ZFHX3: variants seen among roughly 807,000 people sequenced by gnomAD.
ZFHX3 encodes zinc finger homeobox 3.
Under a neutral mutation model 279.1 loss-of-function variants are expected in ZFHX3, and 42 were observed. That is an observed-to-expected ratio of 0.15 (90% CI 0.12 to 0.19). The LOEUF (loss-of-function observed/expected upper bound fraction) is 0.19, where lower values mean the gene tolerates loss of function less well. Ranked by LOEUF, ZFHX3 falls within the 10% of genes least tolerant of loss-of-function variation. The probability of loss-of-function intolerance (pLI) is 1.00; values close to 1 mark genes in which losing one functional copy is unlikely to be tolerated. For missense variants in ZFHX3, 4,981 were observed against 4,754.0 expected, an observed-to-expected ratio of 1.05 and a Z score of -1.40; for synonymous variants, 2,293 against 1,957.8, an observed-to-expected ratio of 1.17 and a Z score of -4.52.
chr16:73,442,148 G>C (rs947538075), intron 3 of ZFHX3, among the ~76,000 whole-genome samples: 2 of 152,126 alleles, frequency 1.3e-5, no homozygotes, highest in Non-Finnish European at 2.9e-5. Flanking sequence ...AGGGAGCTGA[G>C]ACAAGTCTCT....
At chr16:72,973,485 A>G (rs1270105251) in intron 1 of ZFHX3, 2 of 152,150 alleles carry the variant, frequency 1.3e-5, no homozygotes, top group Non-Finnish European at 2.9e-5. Context: ...TGTTCCCACA[A>G]CCCCAGGCCC....
At chr16:73,035,038 C>A (rs1333199210) in intron 1 of ZFHX3, among the ~76,000 whole-genome samples, 2 of 152,164 alleles carry the variant, frequency 1.3e-5, no homozygotes, top group Admixed American at 1.3e-4. Context: ...TATTCCAGAG[C>A]TGCACCATCC....
At chr16:73,852,155 A>G (rs1027815265) in intron 1 of ZFHX3, among the ~76,000 whole-genome samples, 23 of 152,246 alleles carry the variant, frequency 1.5e-4, no homozygotes, top group Non-Finnish European at 1.3e-4. Flanking sequence ...CAGAAATGCA[A>G]CTGCCAGGTA....
At chr16:73,245,647 T>C (rs1407520871) in intron 5 of ZFHX3, among the ~76,000 whole-genome samples, 1 of 152,208 alleles carries the variant, frequency 6.6e-6, no homozygotes, top group Non-Finnish European at 1.5e-5. Context: ...GGGGAGGCTG[T>C]CATGGGGAGT....
chr16:72,945,486 C>T (rs551945580), intron 3 of ZFHX3, among the ~76,000 whole-genome samples: 9 of 152,090 alleles, frequency 5.9e-5, no homozygotes, highest in East Asian at 1.9e-4. Context: ...GGAAATGAAC[C>T]GCAGGCCTCC....
intron 1 of ZFHX3, among the ~76,000 whole-genome samples, chr16:73,763,221 C>G (rs1044076673): frequency 6.6e-6 from 1 of 152,068 alleles, no homozygotes; most frequent in Admixed American, 6.6e-5. Flanking sequence ...GGCAACTGAC[C>G]TATCATGTAT....
chr16:72,976,226 G>A (rs776028722), intron 1 of ZFHX3, among the ~76,000 whole-genome samples: 14 of 152,186 alleles, frequency 9.2e-5, no homozygotes, highest in Non-Finnish European at 1.9e-4. Flanking sequence ...AAAACTTCCA[G>A]CCAGCAGTTC....
At chr16:73,389,550 G>T (rs1022509222) in intron 3 of ZFHX3, among the ~76,000 whole-genome samples, 3 of 152,192 alleles carry the variant, frequency 2.0e-5, no homozygotes, top group African/African-American at 7.2e-5. Context: ...GGCCTAGTAC[G>T]TGATTCTCTT....
At chr16:73,815,389 G>C (rs938142883) in intron 1 of ZFHX3, among the ~76,000 whole-genome samples, 1 of 152,056 alleles carries the variant, frequency 6.6e-6, no homozygotes, top group African/African-American at 2.4e-5. Context: ...CCCCATGCAG[G>C]ATATGGCCCC....
chr16:73,571,062 A>C (rs556953225), intron 2 of ZFHX3, among the ~76,000 whole-genome samples: 1 of 141,882 alleles, frequency 7.0e-6, no homozygotes, highest in Admixed American at 6.8e-5. Context: ...AATTATAAAG[A>C]ATAATTTTCT....
At chr16:73,350,155 GACC>G (rs1298894274) in intron 3 of ZFHX3, among the ~76,000 whole-genome samples, 1 of 151,972 alleles carries the variant, frequency 6.6e-6, no homozygotes, top group Non-Finnish European at 1.5e-5. Context: ...AATTATAATG[GACC>G]TATAGCAAGC....
intron 4 of ZFHX3, among the ~76,000 whole-genome samples, chr16:73,305,877 A>G (rs2015169558): frequency 6.6e-6 from 1 of 152,200 alleles, no homozygotes; most frequent in Non-Finnish European, 1.5e-5. Context: ...GGAAAAGCAC[A>G]TAGGCCTAGC....
At chr16:72,837,453 T>C (rs375845245) in intron 4 of ZFHX3, among the ~76,000 whole-genome samples, 4 of 150,362 alleles carry the variant, frequency 2.7e-5, no homozygotes, top group African/African-American at 9.8e-5. Context: ...AACTCAGACA[T>C]GCGCCCTGGC....
At chr16:72,850,064 G>A (rs1057291418) in intron 4 of ZFHX3, among the ~76,000 whole-genome samples, 1 of 152,154 alleles carries the variant, frequency 6.6e-6, no homozygotes, top group Non-Finnish European at 1.5e-5. Flanking sequence ...GATGTTTCTA[G>A]GTTAGGCACT....
chr16:73,231,664 CT>C (rs1403453005), intron 5 of ZFHX3, among the ~76,000 whole-genome samples: 9 of 152,202 alleles, frequency 5.9e-5, no homozygotes, highest in Non-Finnish European at 1.3e-4. Flanking sequence ...CTCTACTTTG[CT>C]TGTCTAAGTC....
At position 72,793,981 on chromosome 16, in the gene ZFHX3, A is replaced by G. The variant is rs151059568; in HGVS notation, c.8701T>C (p.Phe2901Leu). 94 of 1,614,094 alleles carry G rather than the reference A, an allele frequency of 5.8e-5. No individual in the cohort carries two copies. Among genetic ancestry groups the G allele is most frequent in the Non-Finnish European group, 9.3e-6 (11 of 1,180,038 alleles). ...SSGLVSPAPS[F>L]YSKEYDNEGT... ...TCATTGTCATATTCCTTGCTATAAA[A>G]GCTCGGGGCCGGGCTGACCAGACCA... The change falls in exon 9 of 10, where the codon TTT becomes CTT. Residue 2901 changes from phenylalanine (F) to leucine (L), a missense_variant. By Grantham distance (22) the Phe-to-Leu change is conservative. Around this residue, in one of 7 missense-constraint regions of ZFHX3, gnomAD observed 744 missense variants for 701.3 expected, o/e 1.06. Coordinates refer to ENST00000268489, the MANE Select transcript of ZFHX3 (RefSeq NM_006885.4). This position sits in a 1 kb window ranked among gnomAD's most constrained non-coding sequence, Gnocchi z 4.3.
chr16:73,165,471 G>A (rs1967340474), intron 5 of ZFHX3, among the ~76,000 whole-genome samples: 1 of 152,178 alleles, frequency 6.6e-6, no homozygotes, highest in Admixed American at 6.5e-5. Flanking sequence ...TCTTTGCTGT[G>A]GCTTCATTCT....
At position 73,184,983 on chromosome 16, in the gene ZFHX3, C is replaced by CTT. The variant is rs11385082; in HGVS notation, c.-1103-41154_-1103-41153dup. Among the ~76,000 whole-genome samples, 280 of 143,348 alleles carry CTT rather than the reference C, an allele frequency of 2.0e-3. 2 individuals are homozygous for CTT. Among genetic ancestry groups the CTT allele is most frequent in the Non-Finnish European group, 2.5e-3 (164 of 66,040 alleles). 94.0% of individuals were successfully genotyped at this position (143,348 alleles called of 152,430 possible). On this transcript the variant is annotated intron_variant, in intron 5 of 17. Coordinates refer to the ZFHX3 transcript ENST00000641206. ...CAAAGTTAAGGAACATGCACCATCT[C>CTT]TTTTTTTTTTTTTTCTGAGACAGCG...
intron 3 of ZFHX3, among the ~76,000 whole-genome samples, chr16:72,891,203 T>C (rs1311642001): frequency 6.6e-6 from 1 of 152,202 alleles, no homozygotes; most frequent in Non-Finnish European, 1.5e-5. Flanking sequence ...ATATCATTGG[T>C]CAGTTGGTGT....
Sources: allele counts gnomAD v4.1 joint callset (sites outside exome capture counted in the v4.1 genomes callset), GRCh38; gene constraint gnomAD v4.1.1; regional missense constraint gnomAD v4.1.1; non-coding constraint Gnocchi (gnomAD v3.1); transcripts MANE v1.5; gene names NCBI Gene and HGNC (gene_info 2026-07-23, HGNC 2026-07-21).